The following PRKN variants were observed in gnomAD, a reference collection of about 807,000 sequenced individuals.
PRKN encodes E3 ubiquitin-protein ligase parkin.
A neutral mutation model predicts 59.5 loss-of-function variants in PRKN; 56 were observed. That is an observed-to-expected ratio of 0.94 (90% CI 0.76 to 1.18). The LOEUF (loss-of-function observed/expected upper bound fraction) is 1.18, where lower values mean the gene tolerates loss of function less well. Among genes scored for constraint, PRKN ranks in the 50% most tolerant of loss-of-function variants. The pLI, the probability that PRKN is intolerant of heterozygous loss-of-function variation, is 0.00. For missense variants in PRKN, 657 were observed against 596.4 expected (o/e 1.10, Z -1.06); for synonymous variants, 250 against 222.1 (o/e 1.13, Z -1.12).
At chr6:161,838,062 G>A (rs566413676) in intron 6 of PRKN, among the ~76,000 whole-genome samples, 30 of 152,214 alleles carry the variant, frequency 2.0e-4, no homozygotes, top group Non-Finnish European at 4.1e-4. Flanking sequence ...TGCCTCAAGT[G>A]TTTCTTAATC....
chr6:161,868,106 T>C (rs535847505), intron 6 of PRKN, among the ~76,000 whole-genome samples: 1 of 152,124 alleles, frequency 6.6e-6, no homozygotes, highest in Admixed American at 6.6e-5. Context: ...TCTAAGATAA[T>C]GGAAATGGAT....
chr6:161,540,749 T>G (rs1365486044), intron 9 of PRKN, among the ~76,000 whole-genome samples: 1 of 152,218 alleles, frequency 6.6e-6, no homozygotes, highest in Non-Finnish European at 1.5e-5. Flanking sequence ...AAATGCTGAG[T>G]GTGCTGTTCT....
chr6:162,695,760 T>G (rs1777943605), intron 1 of PRKN, among the ~76,000 whole-genome samples: 1 of 152,178 alleles, frequency 6.6e-6, no homozygotes, highest in Non-Finnish European at 1.5e-5. Flanking sequence ...TAATTGGGCC[T>G]TGGTTGGAAA....
intron 1 of PRKN, among the ~76,000 whole-genome samples, chr6:162,501,651 C>A (rs141241623): frequency 6.6e-6 from 1 of 151,900 alleles, no homozygotes; most frequent in African/African-American, 2.4e-5. Flanking sequence ...CCACCGCGCC[C>A]GGCCATGCTC....
chr6:162,542,163 C>T (rs1322377280), intron 1 of PRKN, among the ~76,000 whole-genome samples: 1 of 152,128 alleles, frequency 6.6e-6, no homozygotes, highest in African/African-American at 2.4e-5. Flanking sequence ...ATTTTCAGTT[C>T]AAGTGCTTCT....
At position 161,547,708 on chromosome 6, in the gene PRKN, A is replaced by G. The variant is rs1029873332; in HGVS notation, c.1083+1146T>C. Among the ~76,000 whole-genome samples, 1 of 152,252 alleles carries G rather than the reference A, an allele frequency of 6.6e-6. No individual in the cohort carries two copies. Among genetic ancestry groups the G allele is most frequent in the Non-Finnish European group, 1.5e-5 (1 of 68,044 alleles). On this transcript the variant is annotated intron_variant, in intron 9 of 11. Coordinates refer to ENST00000366898, the MANE Select transcript of PRKN (RefSeq NM_004562.3). The surrounding 1 kb of genome is among the most constrained non-coding windows in gnomAD (Gnocchi z 4.0). ...TGCTGAGGCCACACACAATCATTGC[A>G]GATAATTCAGCACATGATAATGACT...
chr6:162,306,085 A>G (rs1782207866), intron 2 of PRKN, among the ~76,000 whole-genome samples: 1 of 152,184 alleles, frequency 6.6e-6, no homozygotes, highest in South Asian at 2.1e-4. Flanking sequence ...AATATATGGA[A>G]AATAATCTTC....
chr6:162,646,566 G>A (rs979122734), intron 1 of PRKN, among the ~76,000 whole-genome samples: 3 of 152,122 alleles, frequency 2.0e-5, no homozygotes, highest in Non-Finnish European at 4.4e-5. Context: ...TTACAGGCAT[G>A]AGCCACCATG....
intron 1 of PRKN, among the ~76,000 whole-genome samples, chr6:162,545,338 C>CCA (rs1174148806): frequency 6.6e-6 from 1 of 152,048 alleles, no homozygotes; most frequent in East Asian, 1.9e-4. Flanking sequence ...TCCTGGTATT[C>CCA]CATCCAGTAT....
chr6:161,437,305 C>T lies in PRKN; in HGVS notation c.1084-50428G>A, dbSNP rs571451856. Reference sequence around the variant, plus strand: ...ATGGCTACTAAGTGACTTCTGGGCGCGTGGTGTCTACAGCGTGGAGATGCC... The same window carrying T: ...ATGGCTACTAAGTGACTTCTGGGCGTGTGGTGTCTACAGCGTGGAGATGCC... On this transcript the variant is annotated intron_variant, in intron 9 of 11. Coordinates refer to ENST00000366898, the MANE Select transcript of PRKN (RefSeq NM_004562.3). Among the ~76,000 whole-genome samples the T allele has an allele frequency of 8.5e-4, 130 of 152,204 alleles. 1 individual carries two copies. Among genetic ancestry groups the T allele is most frequent in the African/African-American group, 3.0e-3 (123 of 41,520 alleles).
chr6:161,692,785 AC>A (rs891176301), intron 7 of PRKN, among the ~76,000 whole-genome samples: 3 of 150,880 alleles, frequency 2.0e-5, no homozygotes, highest in African/African-American at 4.9e-5. Context: ...AACAAAACCA[AC>A]CCCCCCACAA....
chr6:161,896,087 C>T (rs192336327), intron 6 of PRKN, among the ~76,000 whole-genome samples: 1 of 152,160 alleles, frequency 6.6e-6, no homozygotes, highest in Admixed American at 6.5e-5. Context: ...GCAGGTGTGA[C>T]GGGTGATGAA....
chr6:162,624,583 T>TA (rs1324155998), intron 1 of PRKN: 1 of 152,168 alleles, frequency 6.6e-6, no homozygotes, highest in Non-Finnish European at 1.5e-5. Flanking sequence ...TTAAGCAGAT[T>TA]AACTGTAAAG....
intron 7 of PRKN, among the ~76,000 whole-genome samples, chr6:161,650,353 A>G (rs1784107216): frequency 6.6e-6 from 1 of 152,158 alleles, no homozygotes; most frequent in Non-Finnish European, 1.5e-5. Flanking sequence ...GACATTTATA[A>G]TTTAAGGTAT....
chr6:161,613,646 T>G (rs1366329264), intron 7 of PRKN, among the ~76,000 whole-genome samples: 3 of 152,056 alleles, frequency 2.0e-5, no homozygotes, highest in African/African-American at 4.8e-5. Context: ...ACGTCAAGCT[T>G]CAGCAGCCGC....
At chr6:162,282,760 A>C (rs766634869) in intron 2 of PRKN, among the ~76,000 whole-genome samples, 2 of 152,190 alleles carry the variant, frequency 1.3e-5, no homozygotes, top group Non-Finnish European at 2.9e-5. Context: ...ATTTGTCTGT[A>C]TGTTGTATAT....
At chr6:161,443,473 TG>T in intron 9 of PRKN, among the ~76,000 whole-genome samples, 1 of 152,118 alleles carries the variant, frequency 6.6e-6, no homozygotes, top group Non-Finnish European at 1.5e-5. Context: ...CCACAGGGTG[TG>T]GGAGCCTGAG....
intron 1 of PRKN, among the ~76,000 whole-genome samples, chr6:162,532,991 A>C (rs181637564): frequency 6.6e-6 from 1 of 152,336 alleles, no homozygotes; most frequent in Non-Finnish European, 1.5e-5. Context: ...AAACACTGAC[A>C]ACCTAAACTA....
chr6:162,208,579 G>C (rs562781187), intron 3 of PRKN, among the ~76,000 whole-genome samples: 7 of 152,040 alleles, frequency 4.6e-5, no homozygotes, highest in South Asian at 4.2e-4. Context: ...CCCATACCAA[G>C]ACAAAACTGT....
Sources: gnomAD v4.1 joint callset for allele counts (sites outside exome capture counted in the v4.1 genomes callset) on GRCh38, gnomAD v4.1.1 for gene constraint, Gnocchi (gnomAD v3.1) non-coding constraint, MANE v1.5 for transcripts, NCBI Gene and HGNC (gene_info 2026-07-23, HGNC 2026-07-21) for gene names.